The following PCNT variants were observed in gnomAD, a reference collection of about 807,000 sequenced individuals.
The protein encoded by PCNT is kendrin.
PCNT carries 319 observed loss-of-function variants against 380.4 expected under a neutral mutation model. The observed-to-expected ratio is 0.84, with a 90% CI of 0.77 to 0.92. PCNT has a LOEUF of 0.92. Ranked by LOEUF, PCNT falls within the 40% of genes least tolerant of loss-of-function variation. The probability of loss-of-function intolerance (pLI) is 0.00; values close to 1 mark genes in which losing one functional copy is unlikely to be tolerated. For missense variants in PCNT, 4,400 were observed against 4,255.3 expected, an observed-to-expected ratio of 1.03 and a Z score of -0.95; for synonymous variants, 1,845 against 1,735.2, an observed-to-expected ratio of 1.06 and a Z score of -1.57.
At chr21:46,394,038 G>C (rs888495014) in intron 21 of PCNT, among the ~76,000 whole-genome samples, 14 of 152,224 alleles carry the variant, frequency 9.2e-5, no homozygotes, top group African/African-American at 3.4e-4. Flanking sequence ...GGTCCTCTTT[G>C]TTTGCTTTCC....
intron 38 of PCNT, among the ~76,000 whole-genome samples, chr21:46,433,580 T>C (rs904244077): frequency 3.9e-5 from 6 of 152,318 alleles, no homozygotes; most frequent in Admixed American, 2.0e-4. Flanking sequence ...TTTGATGGAA[T>C]GCTCAAAGGA....
In PCNT at chr21:46,412,935, G is replaced by A. The variant is rs138543824; in HGVS notation, c.6093G>A (p.Gln2031=). The change falls in exon 29 of 47, where the codon CAG becomes CAA. Residue 2031 remains glutamine, a synonymous_variant. Transcript: ENST00000359568. ...TCACCGTCTGCCAGAGGCAGCTGCAGTCGGAGCTGCTCTTGGTGAAAAATG... is the reference window on the plus strand; with the variant it reads ...TCACCGTCTGCCAGAGGCAGCTGCAATCGGAGCTGCTCTTGGTGAAAAATG... ...SVLTVCQRQL[Q]SELLLVKNEM... 1,099 of 1,612,114 alleles carry A rather than the reference G, an allele frequency of 6.8e-4. 3 individuals carry two copies. The highest frequency in any genetic ancestry group is 8.9e-4 in the Non-Finnish European group (1,055 of 1,180,038).
chr21:46,328,795 G>A (rs1443420371), intron 2 of PCNT, among the ~76,000 whole-genome samples: 2 of 142,256 alleles, frequency 1.4e-5, no homozygotes, highest in Non-Finnish European at 3.1e-5. Context: ...TTTCTTTAAG[G>A]CGAAGTCTCA....
Position 46,356,980 on chromosome 21 carries a change from C to A in PCNT, c.1943C>A (p.Pro648His), listed in dbSNP as rs752992538. 1 of 1,613,908 alleles carries A rather than the reference C, an allele frequency of 6.2e-7. No homozygotes were observed. ...CTGCTCCTTTTCCACACAGAGCTTCCCTGGGTGCATCTCCAGGGTGTGCAG... is the reference window on the plus strand; with the variant it reads ...CTGCTCCTTTTCCACACAGAGCTTCACTGGGTGCATCTCCAGGGTGTGCAG... ...EPSEGHSQELPWVHLQGVQDG... is the reference protein window; with the variant it reads ...EPSEGHSQELHWVHLQGVQDG... The change falls in exon 13 of 47, where the codon CCC (proline) becomes CAC (histidine). Residue 648 changes from proline to histidine, a missense_variant. Pro to His is a moderately conservative substitution (Grantham distance 77). Transcript: ENST00000359568.
Position 46,441,004 on chromosome 21 carries a change from T to G in PCNT, c.9543T>G (p.Pro3181=). 6.2e-7 allele frequency: 1 copy of G among 1,614,154 alleles called. No homozygotes were observed. The change falls in exon 43 of 47, where the codon CCT becomes CCG. Residue 3181 remains proline, a synonymous_variant. Coordinates refer to ENST00000359568, the MANE Select transcript of PCNT (RefSeq NM_006031.6). The part of the protein sequence containing the change: ...LSMIAHLGVF[P]SKAERKITSR... ...TGATTGCCCATTTGGGGGTATTTCC[T>G]TCCAAAGCAGAACGGAAAATCACAT...
intron 15 of PCNT, among the ~76,000 whole-genome samples, chr21:46,371,972 A>G (rs1005989155): frequency 1.3e-5 from 2 of 150,072 alleles, no homozygotes; most frequent in Admixed American, 1.3e-4. Flanking sequence ...CATACATAGC[A>G]CATACACACA....
intron 14 of PCNT, 47 bp downstream of exon 14, chr21:46,363,981 C>T: frequency 6.4e-7 from 1 of 1,555,788 alleles, no homozygotes; most frequent in Non-Finnish European, 8.8e-7. Flanking sequence ...GGCCAGACAC[C>T]TTGGAGGGTA....
intron 27 of PCNT, among the ~76,000 whole-genome samples, chr21:46,402,823 A>G (rs2086473022): frequency 6.6e-6 from 1 of 152,228 alleles, no homozygotes; most frequent in South Asian, 2.1e-4. Flanking sequence ...GCTCTTCTCA[A>G]GGAGGTGACT....
At position 46,397,382 on chromosome 21, in the gene PCNT, A is replaced by G; in HGVS notation, c.4334A>G (p.Glu1445Gly). The G allele has an allele frequency of 1.2e-6, 2 of 1,614,198 alleles. No homozygotes were observed. The highest frequency in any genetic ancestry group is 1.7e-6 in the Non-Finnish European group (2 of 1,180,028). ...AAGATTTTGGAGTCTGAGTTAGAAG[A>G]ACAGCTGTCTCAGCATCGCGGGTGT... ...QMKILESELEEQLSQHRGCAK... is the reference protein window; with the variant it reads ...QMKILESELEGQLSQHRGCAK... Residue 1445 changes from glutamate (E) to glycine (G), a missense_variant, in exon 22 of 47, where the codon GAA becomes GGA. By Grantham distance (98) the Glu-to-Gly change is moderately conservative. Transcript: ENST00000359568.
chr21:46,390,962 C>A, intron 20 of PCNT, 130 bp downstream of exon 20: 1 of 1,250,348 alleles, frequency 8.0e-7, no homozygotes, highest in Non-Finnish European at 1.1e-6. Context: ...ACATGGGAGG[C>A]ACCCATGGTT....
rs1295981591 is a variant in PCNT at position 46,366,607 on chromosome 21, T to G, written c.2633T>G (p.Ile878Ser). The G allele has an allele frequency of 6.2e-7, 1 of 1,614,042 alleles. No individual in the cohort carries two copies. Among genetic ancestry groups the G allele is most frequent in the Non-Finnish European group, 8.5e-7 (1 of 1,179,986 alleles). ...RSRFLEERKE[I>S]TEKFSAEQDA... ...AGGTTTTTAGAGGAACGTAAAGAGATCACCGAGAAATTCAGTGCGGAACAA... is the reference window on the plus strand; with the variant it reads ...AGGTTTTTAGAGGAACGTAAAGAGAGCACCGAGAAATTCAGTGCGGAACAA... Residue 878 changes from isoleucine (I) to serine (S), a missense_variant, in exon 15 of 47, where the codon ATC becomes AGC. Coordinates refer to ENST00000359568, the MANE Select transcript of PCNT (RefSeq NM_006031.6).
At chr21:46,381,631 C>G in intron 15 of PCNT, 63 bp from the exon 16 acceptor site, 1 of 1,500,834 alleles carries the variant, frequency 6.7e-7, no homozygotes, top group South Asian at 1.1e-5. Context: ...TGAATTCCGG[C>G]TAACAGCAAA....
intron 3 of PCNT, among the ~76,000 whole-genome samples, chr21:46,338,307 T>C (rs751552665): frequency 1.3e-5 from 2 of 152,194 alleles, no homozygotes; most frequent in Non-Finnish European, 2.9e-5. Flanking sequence ...AACCAGCCGC[T>C]CTCTCCTTCC....
At chr21:46,422,285 G>T (rs146305659) in intron 32 of PCNT, among the ~76,000 whole-genome samples, 161 bp downstream of exon 32, 1 of 152,156 alleles carries the variant, frequency 6.6e-6, no homozygotes, top group African/African-American at 2.4e-5. Context: ...GCAGCCCCAC[G>T]GTGGCCCCGG....
At chr21:46,344,337 G>A (rs2083998542) in intron 3 of PCNT, among the ~76,000 whole-genome samples, 2 of 152,144 alleles carry the variant, frequency 1.3e-5, no homozygotes, top group South Asian at 4.1e-4. Flanking sequence ...GCCTCCCAAA[G>A]TGCTGGGATT....
intron 19 of PCNT, among the ~76,000 whole-genome samples, chr21:46,389,955 T>G (rs1191069380): frequency 1.3e-5 from 2 of 152,146 alleles, no homozygotes; most frequent in African/African-American, 4.8e-5. Context: ...TGGACAGAAC[T>G]TTGTCTGAAT....
At chr21:46,431,487 C>G (rs777664464) in intron 37 of PCNT, 42 bp from the exon 38 acceptor site, 46 of 1,613,552 alleles carry the variant, frequency 2.9e-5, no homozygotes, top group Non-Finnish European at 3.9e-5. Flanking sequence ...GACACTTTTC[C>G]TCTTGATTCA....
intron 15 of PCNT, among the ~76,000 whole-genome samples, chr21:46,372,407 TACAC>T (rs200898496): frequency 0.015 from 2,230 of 151,362 alleles, 57 homozygotes; most frequent in African/African-American, 0.051. Context: ...CATGCACACA[TACAC>T]AGCACATGCA....
In PCNT at chr21:46,408,601, T is replaced by C. The variant is rs189948997; in HGVS notation, c.5116-2588T>C. On this transcript the variant is annotated intron_variant, in intron 27 of 46. Transcript: ENST00000359568. ...TTTTTTCTAGACATTCTGGTAGATA[T>C]GTAGTGGTATATCCTAGAGTTTTGT... 5.3e-5 allele frequency among the ~76,000 whole-genome samples: 8 copies of C among 152,332 alleles called. No homozygotes were observed. In the East Asian group the frequency reaches 1.2e-3, roughly 22 times the overall value.
Sources: gnomAD v4.1 joint callset for allele counts (sites outside exome capture counted in the v4.1 genomes callset) on GRCh38, gnomAD v4.1.1 for gene constraint, MANE v1.5 for transcripts, NCBI Gene and HGNC (gene_info 2026-07-23, HGNC 2026-07-21) for gene names.